CDK13: variants seen among roughly 807,000 people sequenced by gnomAD.
CDK13 encodes the protein cyclin dependent kinase 13, also known as cyclin-dependent kinase 13.
In CDK13, 40 loss-of-function variants were observed where a neutral mutation model predicts 137.6. That is an observed-to-expected ratio of 0.29 (90% confidence interval 0.23 to 0.38). CDK13 has a LOEUF of 0.38. Among genes scored for constraint, CDK13 ranks in the 10% least tolerant of loss-of-function variants. The pLI is 1.00. For synonymous variants in CDK13, 869 were observed against 760.1 expected, an observed-to-expected ratio of 1.14 and a Z score of -2.36; for missense variants, 1,704 against 1,951.8, an observed-to-expected ratio of 0.87 and a Z score of 2.39.
chr7:40,075,667 A>G (rs1786530726), intron 9 of CDK13, among the ~76,000 whole-genome samples: 1 of 152,092 alleles, frequency 6.6e-6, no homozygotes, highest in African/African-American at 2.4e-5. Flanking sequence ...CAAATATAAA[A>G]CTTGCTTTTA....
At chr7:39,953,058 G>A (rs1377858570) in intron 1 of CDK13, 1 of 152,102 alleles carries the variant, frequency 6.6e-6, no homozygotes, top group Non-Finnish European at 1.5e-5. Context: ...TCTAAGTATG[G>A]GTTATGTGGA....
At chr7:40,054,261 A>C (rs17538104) in intron 7 of CDK13, among the ~76,000 whole-genome samples, 96 of 152,278 alleles carry the variant, frequency 6.3e-4, no homozygotes, top group Non-Finnish European at 1.0e-3. Flanking sequence ...AAGTTATGTG[A>C]TATTTCTACT....
At chr7:39,963,027 C>T (rs1007849431) in intron 1 of CDK13, among the ~76,000 whole-genome samples, 1 of 152,140 alleles carries the variant, frequency 6.6e-6, no homozygotes, top group Non-Finnish European at 1.5e-5. Context: ...GTTACTGTAG[C>T]CTTGTAGTAT....
At position 39,951,774 on chromosome 7, in the gene CDK13, G is replaced by C; in HGVS notation, c.1133G>C (p.Arg378Pro). 6.8e-7 allele frequency: 1 copy of C among 1,477,696 alleles called. No homozygotes were observed. The highest frequency in any genetic ancestry group is 8.9e-7 in the Non-Finnish European group (1 of 1,126,562). The allele number at this position is 1,477,696 out of a possible 1,614,324, so 91.5% of individuals were successfully genotyped here. Residue 378 changes from arginine (R) to proline (P), a missense_variant, in exon 1 of 14, where the codon CGG becomes CCG. Around this residue, in one of 5 missense-constraint regions of CDK13, gnomAD observed 1,051 missense variants for 931.0 expected, o/e 1.13. Transcript: ENST00000181839. The stretch of plus-strand genomic sequence containing the variant: ...TACAGCCGCCACAGCTCCTACGAGC[G>C]GGGCGGCGACGTGTCCCCTAGTCCC... ...PSYSRHSSYE[R>P]GGDVSPSPYS...
At position 40,013,793 on chromosome 7, in the gene CDK13, G is replaced by A. The variant is rs182120237; in HGVS notation, c.2353+11762G>A. ...TATCTCAATAAAGCTGTTATTTAAG[G>A]AAAAAAACGATAACTAGCTCCTATG... On this transcript the variant is annotated intron_variant, in intron 5 of 13. Transcript: ENST00000181839. Among the ~76,000 whole-genome samples, 156 of 151,966 alleles carry A rather than the reference G, an allele frequency of 1.0e-3. 1 individual carries two copies. The highest frequency in any genetic ancestry group is 3.6e-3 in the African/African-American group (151 of 41,486).
intron 11 of CDK13, among the ~76,000 whole-genome samples, chr7:40,081,489 A>G (rs955259296): frequency 1.3e-5 from 2 of 152,116 alleles, no homozygotes; most frequent in African/African-American, 2.4e-5. Context: ...TTTCATCTTG[A>G]ACTTATGTTA....
At chr7:40,078,920 TAAC>T (rs1786604579) in intron 11 of CDK13, 69 bp downstream of exon 11, 1 of 528,462 alleles carries the variant, frequency 1.9e-6, no homozygotes, top group Non-Finnish European at 2.6e-6. Context: ...ACAGTTTTAA[TAAC>T]ATATATAATA....
Position 40,094,445 on chromosome 7 carries a change from A to G in CDK13, c.4004A>G (p.Tyr1335Cys), listed in dbSNP as rs750493486. Residue 1335 changes from tyrosine to cysteine, a missense_variant, in exon 14 of 14, where the codon TAC becomes TGC. This residue lies in a region of CDK13 where 475 missense variants were observed against 579.3 expected (regional missense o/e 0.82). Coordinates refer to ENST00000181839, the MANE Select transcript of CDK13 (RefSeq NM_003718.5). ...GACACTTACGTGTCCACTTCAGACT[A>G]CAAGGACAACTTTGGATCCTCTTCT... ...AGDTYVSTSD[Y>C]KDNFGSSSFS... The G allele has an allele frequency of 6.2e-7, 1 of 1,614,002 alleles. No individual in the cohort carries two copies. The highest frequency in any genetic ancestry group is 1.7e-5 in the Admixed American group (1 of 60,006).
At chr7:39,982,674 C>T (rs1784253942) in intron 1 of CDK13, among the ~76,000 whole-genome samples, 1 of 152,148 alleles carries the variant, frequency 6.6e-6, no homozygotes, top group Non-Finnish European at 1.5e-5. Context: ...CTCTCCAGCA[C>T]CTGTTGTTTC....
chr7:40,042,717 C>T (rs1004820712), intron 5 of CDK13, among the ~76,000 whole-genome samples: 3 of 148,632 alleles, frequency 2.0e-5, no homozygotes, highest in Non-Finnish European at 4.5e-5. Flanking sequence ...CGGCCTCAAG[C>T]GATCCACCCA....
At position 39,951,845 on chromosome 7, in the gene CDK13, G is replaced by A. The variant is rs2116074072; in HGVS notation, c.1204G>A (p.Val402Met). The change falls in exon 1 of 14, where the codon GTG (valine) becomes ATG (methionine). Residue 402 changes from valine to methionine, a missense_variant. Around this residue, in one of 5 missense-constraint regions of CDK13, gnomAD observed 1,051 missense variants for 931.0 expected, o/e 1.13. Coordinates refer to ENST00000181839, the MANE Select transcript of CDK13 (RefSeq NM_003718.5). ...CCGCTCTCGCAGTCCCTACAGCCCT[G>A]TGCTCAGGTGAGTTCTGCCGTTCTG... is the stretch of plus-strand genomic sequence containing the variant. ...WRRSRSPYSPVLRRSGKSRSR... is the reference protein window; with the variant it reads ...WRRSRSPYSPMLRRSGKSRSR... 4 of 1,392,624 alleles carry A rather than the reference G, an allele frequency of 2.9e-6. No homozygotes were observed. The highest frequency in any genetic ancestry group is 3.7e-6 in the Non-Finnish European group (4 of 1,074,938). The allele number at this position is 1,392,624 out of a possible 1,614,324, so 86.3% of individuals were successfully genotyped here. A position where few individuals can be genotyped will look rare whatever the true frequency, so the allele number is the denominator to read the frequency against.
At chr7:39,986,047 A>G (rs1418913791) in intron 1 of CDK13, 1 of 152,296 alleles carries the variant, frequency 6.6e-6, no homozygotes, top group African/African-American at 2.4e-5. Flanking sequence ...GGTCAGCATC[A>G]TTGGGCACAG....
intron 1 of CDK13, among the ~76,000 whole-genome samples, chr7:39,975,787 A>G (rs2116210277): frequency 6.6e-6 from 1 of 152,344 alleles, no homozygotes; most frequent in South Asian, 2.1e-4. Context: ...AGGGTATAAT[A>G]AAGATGGAAG....
At chr7:40,036,193 C>G (rs891292852) in intron 5 of CDK13, among the ~76,000 whole-genome samples, 2 of 146,444 alleles carry the variant, frequency 1.4e-5, no homozygotes, top group African/African-American at 5.5e-5. Context: ...CACACACACA[C>G]ACACATATAA....
chr7:40,047,748 A>T, intron 6 of CDK13, 73 bp from the exon 7 acceptor site: 1 of 1,009,692 alleles, frequency 9.9e-7, no homozygotes, highest in Non-Finnish European at 1.6e-6. Flanking sequence ...AGTTCTAGGC[A>T]TAGAATATAA....
intron 9 of CDK13, chr7:40,067,285 C>G (rs1031701673): frequency 6.6e-6 from 1 of 152,404 alleles, no homozygotes; most frequent in African/African-American, 2.4e-5. Context: ...GTGGCTCACG[C>G]CTGTAATCGC....
At chr7:40,055,623 G>A (rs1022635741) in intron 7 of CDK13, among the ~76,000 whole-genome samples, 1 of 147,504 alleles carries the variant, frequency 6.8e-6, no homozygotes, top group East Asian at 2.0e-4. Context: ...CTGTCAACCA[G>A]GCTGGGGTGC....
chr7:40,000,010 G>A (rs1784650183), intron 4 of CDK13, among the ~76,000 whole-genome samples: 1 of 151,876 alleles, frequency 6.6e-6, no homozygotes, highest in Non-Finnish European at 1.5e-5. Context: ...AGCTGTGTCA[G>A]AAGCTATGTA....
At chr7:40,009,541 T>C (rs1784855282) in intron 5 of CDK13, among the ~76,000 whole-genome samples, 1 of 152,224 alleles carries the variant, frequency 6.6e-6, no homozygotes, top group Non-Finnish European at 1.5e-5. Flanking sequence ...CAGTGGGTCA[T>C]AGATACTAGA....
Sources: gnomAD v4.1 joint callset for allele counts (sites outside exome capture counted in the v4.1 genomes callset) on GRCh38, gnomAD v4.1.1 for gene constraint, gnomAD v4.1.1 regional missense constraint, MANE v1.5 for transcripts, NCBI Gene and HGNC (gene_info 2026-07-23, HGNC 2026-07-21) for gene names.